The following PCGF3 variants were observed in gnomAD, a reference collection of about 807,000 sequenced individuals.
The protein encoded by PCGF3 is polycomb group ring finger 3.
In PCGF3, 7 loss-of-function variants were observed where a neutral mutation model predicts 33.1. The ratio of observed to expected loss-of-function variants is 0.21; its 90% CI spans 0.12 to 0.40. The LOEUF is 0.40. PCGF3 is among the 10% of genes least tolerant of loss of function. The probability of loss-of-function intolerance (pLI) is 1.00; values close to 1 mark genes in which losing one functional copy is unlikely to be tolerated. For synonymous variants in PCGF3, 153 were observed against 121.3 expected, an observed-to-expected ratio of 1.26 and a Z score of -1.72; for missense variants, 211 against 313.3, an observed-to-expected ratio of 0.67 and a Z score of 2.46.
intron 9 of PCGF3, 56 bp from the exon 10 acceptor site, chr4:764,928 A>G: frequency 1.7e-6 from 2 of 1,198,746 alleles, no homozygotes; most frequent in Non-Finnish European, 2.5e-6. Context: ...CAAGGTGGCC[A>G]TGTCAGTGTG....
intron 9 of PCGF3, chr4:761,754 G>T: frequency 1.0e-6 from 1 of 985,448 alleles, no homozygotes; most frequent in Non-Finnish European, 1.2e-6. Flanking sequence ...GATGCAGAGA[G>T]GGAGGACCCT....
At chr4:749,171 T>C (rs1744401178) in intron 8 of PCGF3, among the ~76,000 whole-genome samples, 1 of 152,252 alleles carries the variant, frequency 6.6e-6, no homozygotes, top group Admixed American at 6.5e-5. Flanking sequence ...AATTTTGTTT[T>C]TTTCTTTTTT....
intron 5 of PCGF3, 31 bp downstream of exon 5, chr4:735,058 G>C: frequency 2.5e-6 from 4 of 1,600,524 alleles, no homozygotes; most frequent in Admixed American, 1.7e-5. Flanking sequence ...GCCACAGTAC[G>C]TGGGGTGAGT....
rs1424844028 is a variant in PCGF3, at chr4:731,547, C to CG, written c.-10+441dup. On this transcript the variant is annotated intron_variant, in intron 3 of 10. Coordinates refer to ENST00000362003, the Ensembl canonical transcript of PCGF3. Reference sequence around the variant, plus strand: ...GGGCGTGGCCCTCAGGGGTGTAGGGCGGGGCTCCCCCTCCCGTCGTGGGTG... The same window carrying CG: ...GGGCGTGGCCCTCAGGGGTGTAGGGCGGGGGCTCCCCCTCCCGTCGTGGGTG... Among the ~76,000 whole-genome samples the CG allele has an allele frequency of 7.4e-5, 10 of 135,314 alleles. 1 individual carries two copies. Among genetic ancestry groups the CG allele is most frequent in the Admixed American group, 7.1e-5 (1 of 14,036 alleles). 88.8% of individuals were successfully genotyped at this position (135,314 alleles called of 152,430 possible). A position where few individuals can be genotyped will look rare whatever the true frequency, so the allele number is the denominator to read the frequency against.
intron 3 of PCGF3, chr4:731,401 C>T (rs1202580370): frequency 5.3e-6 from 2 of 379,472 alleles, no homozygotes; most frequent in Admixed American, 9.1e-5. Context: ...GCTTGGGGGC[C>T]GAGCCTGGGG....
chr4:756,878 C>T (rs551254629), intron 8 of PCGF3: 1 of 152,120 alleles, frequency 6.6e-6, no homozygotes, highest in African/African-American at 2.4e-5. Flanking sequence ...TGGCGATGAT[C>T]GAGAAAGTCT....
chr4:734,547 T>C, intron 4 of PCGF3: 3 of 1,172,186 alleles, frequency 2.6e-6, no homozygotes, highest in Non-Finnish European at 1.1e-6. Context: ...TTATTTTCAT[T>C]TGATTTTATC....
chr4:741,648 C>T (rs574824790), intron 6 of PCGF3, among the ~76,000 whole-genome samples: 15 of 152,250 alleles, frequency 9.9e-5, no homozygotes, highest in African/African-American at 3.6e-4. Context: ...ACCTCATGAT[C>T]CGCCCGCCTC....
intron 8 of PCGF3, among the ~76,000 whole-genome samples, chr4:749,717 C>T (rs1744431443): frequency 6.6e-6 from 1 of 152,138 alleles, no homozygotes; most frequent in Non-Finnish European, 1.5e-5. Flanking sequence ...GAACTCCTGA[C>T]CTCGTGATCC....
chr4:715,888 G>T (rs71604306), intron 1 of PCGF3, among the ~76,000 whole-genome samples: 2 of 51,850 alleles, frequency 3.9e-5, no homozygotes, highest in Non-Finnish European at 8.4e-5. Flanking sequence ...GGGACCCTGT[G>T]GACACTGAGG....
intron 8 of PCGF3, among the ~76,000 whole-genome samples, chr4:748,477 C>T (rs888171224): frequency 7.9e-5 from 12 of 152,188 alleles, no homozygotes; most frequent in Admixed American, 1.3e-4. Context: ...TGAGCCACCG[C>T]GCCCAGCCAA....
At chr4:767,066 G>A (rs1280072369) in exon 11 of PCGF3, 1 of 152,374 alleles carries the variant, frequency 6.6e-6, no homozygotes, top group African/African-American at 2.4e-5. Context: ...GTCTGTCCAA[G>A]GCCTCCCCTT....
At chr4:763,056 G>C (rs538796982) in intron 9 of PCGF3, among the ~76,000 whole-genome samples, 2 of 152,148 alleles carry the variant, frequency 1.3e-5, no homozygotes, top group South Asian at 4.2e-4. Context: ...CAGGTTGGCC[G>C]GGGATACGGA....
chr4:722,018 A>G (rs1743098854), intron 1 of PCGF3, among the ~76,000 whole-genome samples: 1 of 152,034 alleles, frequency 6.6e-6, no homozygotes, highest in South Asian at 2.1e-4. Context: ...GGCCCGTGGC[A>G]GCTCCTTCGT....
At chr4:727,818 A>G (rs1227106975) in intron 1 of PCGF3, among the ~76,000 whole-genome samples, 3 of 152,162 alleles carry the variant, frequency 2.0e-5, no homozygotes, top group Non-Finnish European at 2.9e-5. Context: ...TCCGTCTGCC[A>G]TGGTCAGTGC....
At chr4:742,666 C>A (rs1333071214) in intron 6 of PCGF3, among the ~76,000 whole-genome samples, 2 of 152,194 alleles carry the variant, frequency 1.3e-5, no homozygotes, top group African/African-American at 4.8e-5. Context: ...CTCTTGCTGG[C>A]CATCCCTGGA....
intron 8 of PCGF3, among the ~76,000 whole-genome samples, chr4:760,162 G>A (rs1744970511): frequency 6.6e-6 from 1 of 152,190 alleles, no homozygotes; most frequent in Non-Finnish European, 1.5e-5. Flanking sequence ...TGTCGGAGTG[G>A]GTATTTCTTG....
At position 766,115 on chromosome 4, in the gene PCGF3, C is replaced by A. The variant is rs761850506; in HGVS notation, c.*36C>A. ...ACAGCGCCCACAGACTGGGCCCTCG[C>A]ACCCTTGGGTGCTCCCGGCCGCCGC... is the stretch of plus-strand genomic sequence containing the variant. On this transcript the variant is annotated 3_prime_UTR_variant, in exon 11 of 11. Coordinates refer to ENST00000362003, the Ensembl canonical transcript of PCGF3. The A allele has an allele frequency of 6.2e-6, 10 of 1,600,758 alleles. No individual in the cohort carries two copies. The South Asian group carries it at 1.1e-4, about 18-fold the overall frequency.
chr4:734,777 T>C, intron 4 of PCGF3, 154 bp from the exon 5 acceptor site: 1 of 1,407,298 alleles, frequency 7.1e-7, no homozygotes, highest in East Asian at 2.7e-5. Context: ...AACGGCAAGA[T>C]GTTTCCTTTC....
Sources: allele counts gnomAD v4.1 joint callset (sites outside exome capture counted in the v4.1 genomes callset), GRCh38; gene constraint gnomAD v4.1.1; transcripts MANE v1.5; gene names NCBI Gene and HGNC (gene_info 2026-07-23, HGNC 2026-07-21).